The following ANKHD1 variants were observed in gnomAD, a reference collection of about 807,000 sequenced individuals.
ANKHD1 encodes the protein ankyrin repeat and KH domain containing 1, also known as ankyrin repeat and KH domain-containing protein 1.
A neutral mutation model predicts 230.5 loss-of-function variants in ANKHD1; 31 were observed. The ratio of observed to expected loss-of-function variants is 0.13; its 90% confidence interval spans 0.10 to 0.18. ANKHD1 has a LOEUF of 0.18. Ranked by LOEUF, ANKHD1 falls within the 10% of genes least tolerant of loss-of-function variation. ANKHD1 has a pLI of 1.00. For missense variants in ANKHD1, 2,256 were observed against 3,071.3 expected, an observed-to-expected ratio of 0.73 and a Z score of 6.27; for synonymous variants, 1,074 against 1,117.6, an observed-to-expected ratio of 0.96 and a Z score of 0.78.
At chr5:140,422,172 G>T (rs1772033489) in intron 1 of ANKHD1, among the ~76,000 whole-genome samples, 1 of 152,132 alleles carries the variant, frequency 6.6e-6, no homozygotes, top group East Asian at 1.9e-4. Flanking sequence ...GCCCAGGCTG[G>T]AGTGCAGTGG....
In ANKHD1 at chr5:140,440,272, C is replaced by T. The variant is rs774361692; in HGVS notation, c.765+6C>T. On this transcript the variant is annotated splice_donor_region_variant and intron_variant, in intron 4 of 33. Coordinates refer to ENST00000360839, the MANE Select transcript of ANKHD1 (RefSeq NM_017747.3). ...GGTATTATGAATTAGCACAAGTAAG[C>T]AGAAATAATCTTTAGTGATTAAAAT... 6.2e-7 allele frequency: 1 copy of T among 1,603,344 alleles called. No individual in the cohort carries two copies. Among genetic ancestry groups the T allele is most frequent in the Non-Finnish European group, 8.5e-7 (1 of 1,175,510 alleles).
intron 14 of ANKHD1, among the ~76,000 whole-genome samples, chr5:140,493,226 T>G (rs1456730654): frequency 6.6e-6 from 1 of 152,152 alleles, no homozygotes; most frequent in Non-Finnish European, 1.5e-5. Flanking sequence ...CACACCGGGC[T>G]AGCTAATTTT....
At chr5:140,419,800 TTCTTTCTTTC>T (rs1443155825) in intron 1 of ANKHD1, among the ~76,000 whole-genome samples, 7 of 88,824 alleles carry the variant, frequency 7.9e-5, no homozygotes, top group African/African-American at 2.3e-4. Context: ...CTTTCTTTCT[TTCTTTCTTTC>T]TTTCTTTCTT....
chr5:140,477,865 C>T (rs1397586267), intron 10 of ANKHD1, among the ~76,000 whole-genome samples: 1 of 152,178 alleles, frequency 6.6e-6, no homozygotes, highest in Non-Finnish European at 1.5e-5. Flanking sequence ...CCGCCTCGGC[C>T]TCCCAAAGTG....
rs1427235665 is a variant in ANKHD1 at position 140,441,033 on chromosome 5, G to A, written c.804G>A (p.Gly268=). Residue 268 remains glycine, a synonymous_variant, in exon 5 of 34, where the codon GGG becomes GGA. Transcript: ENST00000360839. ...TGCATGCTAATGTTGAAGATCGAGG[G>A]AATAAAGGAGACATAACTCCCCTGA... ...LAMHANVEDR[G]NKGDITPLMA... 6.2e-7 allele frequency: 1 copy of A among 1,611,336 alleles called. No homozygotes were observed. Among genetic ancestry groups the A allele is most frequent in the South Asian group, 1.1e-5 (1 of 90,568 alleles).
At chr5:140,456,020 A>C (rs1056373218) in intron 7 of ANKHD1, among the ~76,000 whole-genome samples, 3 of 152,240 alleles carry the variant, frequency 2.0e-5, no homozygotes, top group Non-Finnish European at 4.4e-5. Flanking sequence ...GCAAAGTCTC[A>C]GGATACAAAA....
chr5:140,467,213 T>C (rs1776158118), intron 10 of ANKHD1, among the ~76,000 whole-genome samples: 1 of 152,308 alleles, frequency 6.6e-6, no homozygotes, highest in Non-Finnish European at 1.5e-5. Context: ...TCATTAATTA[T>C]GGAACTTTTG....
chr5:140,494,058 G>C (rs1486973540), intron 14 of ANKHD1, among the ~76,000 whole-genome samples: 2 of 152,130 alleles, frequency 1.3e-5, no homozygotes, highest in African/African-American at 4.8e-5. Context: ...GATGTTTAAA[G>C]GACCATGGAC....
At chr5:140,448,219 G>C (rs1264206031) in intron 6 of ANKHD1, among the ~76,000 whole-genome samples, 1 of 152,138 alleles carries the variant, frequency 6.6e-6, no homozygotes, top group Non-Finnish European at 1.5e-5. Flanking sequence ...GAATAAGAGA[G>C]TGGATATTAG....
rs1241226008 is a variant in ANKHD1 at position 140,528,581 on chromosome 5, G to A, written c.5635G>A (p.Gly1879Arg). The change falls in exon 29 of 34, where the codon GGA becomes AGA. Residue 1879 changes from glycine to arginine, a missense_variant. Physicochemically the swap from Gly to Arg is moderately radical, Grantham distance 125. Around this residue, in one of 13 missense-constraint regions of ANKHD1, gnomAD observed 778 missense variants for 966.5 expected, o/e 0.80. Coordinates refer to ENST00000360839, the MANE Select transcript of ANKHD1 (RefSeq NM_017747.3). The part of the protein sequence containing the change: ...HPRLPMAQFG[G>R]TFSPSPNTWG... Reference sequence around the variant, plus strand: ...TCGCTTACCCATGGCCCAGTTTGGAGGAACCTTCTCACCTTCTCCTAACAC... The same window carrying A: ...TCGCTTACCCATGGCCCAGTTTGGAAGAACCTTCTCACCTTCTCCTAACAC... The A allele has an allele frequency of 1.9e-6, 3 of 1,614,006 alleles. No homozygotes were observed. The highest frequency in any genetic ancestry group is 2.5e-6 in the Non-Finnish European group (3 of 1,180,032).
At chr5:140,416,775 A>G (rs929598655) in intron 1 of ANKHD1, among the ~76,000 whole-genome samples, 2 of 151,814 alleles carry the variant, frequency 1.3e-5, no homozygotes, top group African/African-American at 2.4e-5. Context: ...GTGAGGCACC[A>G]TGCCTAACCT....
intron 1 of ANKHD1, among the ~76,000 whole-genome samples, chr5:140,407,691 G>A (rs991580585): frequency 1.3e-5 from 2 of 152,050 alleles, no homozygotes; most frequent in Non-Finnish European, 2.9e-5. Context: ...GTGCCTGACC[G>A]AAAAACCAAT....
intron 7 of ANKHD1, among the ~76,000 whole-genome samples, chr5:140,456,053 A>G (rs1775158539): frequency 6.6e-6 from 1 of 152,232 alleles, no homozygotes; most frequent in East Asian, 1.9e-4. Context: ...AATCACAAGC[A>G]TTCTTATACA....
rs55859898 is a variant in ANKHD1, at chr5:140,485,397, A to AACACACACACACACACACAC, written c.1998+160_1999-162dup. 6.5e-3 allele frequency: 4,313 copies of AACACACACACACACACACAC among 665,410 alleles called. 76 individuals carry two copies. Among genetic ancestry groups the AACACACACACACACACACAC allele is most frequent in the African/African-American group, 0.043 (2,208 of 51,636 alleles). The allele number at this position is 665,410 out of a possible 1,614,324, so 41.2% of individuals were successfully genotyped here. Reference sequence around the variant, plus strand: ...CATAAGGAGACCCCATCTCTATTAAAACACACACACACACACACACACACA... The same window carrying AACACACACACACACACACAC: ...CATAAGGAGACCCCATCTCTATTAAAACACACACACACACACACACACACACACACACACACACACACACA... On this transcript the variant is annotated intron_variant, in intron 12 of 33. Transcript: ENST00000360839. The surrounding 1 kb of genome is among the most constrained non-coding windows in gnomAD (Gnocchi z 4.8).
chr5:140,428,929 T>C (rs1014869330), intron 1 of ANKHD1, among the ~76,000 whole-genome samples: 17 of 149,956 alleles, frequency 1.1e-4, no homozygotes, highest in Admixed American at 8.6e-4. Context: ...ACTACAGGCA[T>C]GCACCATGAG....
rs557340931 is a variant in ANKHD1 at position 140,441,265 on chromosome 5, T to C, written c.913+123T>C. On this transcript the variant is annotated intron_variant, in intron 5 of 33. Coordinates refer to ENST00000360839, the MANE Select transcript of ANKHD1 (RefSeq NM_017747.3). ...CTACAGAAAAATCTTAGCCCTTGTG[T>C]AGAATCTTTGAGTAAAATACAAATT... is the stretch of plus-strand genomic sequence containing the variant. The C allele has an allele frequency of 2.8e-5, 36 of 1,269,368 alleles. No individual in the cohort carries two copies. In the African/African-American group the frequency reaches 4.3e-4, roughly 15 times the overall value. The allele number at this position is 1,269,368 out of a possible 1,614,324, so 78.6% of individuals were successfully genotyped here. A position where few individuals can be genotyped will look rare whatever the true frequency, so the allele number is the denominator to read the frequency against.
chr5:140,406,736 A>T (rs1313673228), intron 1 of ANKHD1, among the ~76,000 whole-genome samples: 1 of 151,996 alleles, frequency 6.6e-6, no homozygotes, highest in African/African-American at 2.4e-5. Flanking sequence ...GGGTTTCACC[A>T]TATTGGCCAG....
rs543305937 is a variant in ANKHD1 at position 140,526,059 on chromosome 5, C to T, written c.4556C>T (p.Ala1519Val). 2 of 1,612,222 alleles carry T rather than the reference C, an allele frequency of 1.2e-6. No individual in the cohort carries two copies. Among genetic ancestry groups the T allele is most frequent in the African/African-American group, 1.3e-5 (1 of 74,804 alleles). ...ATTTTTIGIS[A>V]TSATFTNVFG... ...ACCACCACTACGATTGGAATCTCTG[C>T]AACATCTGCAACATTCACAAATGTG... Residue 1519 changes from alanine to valine, a missense_variant, in exon 26 of 34, where the codon GCA becomes GTA. Physicochemically the swap from Ala to Val is moderately conservative, Grantham distance 64. Around this residue, in one of 13 missense-constraint regions of ANKHD1, gnomAD observed 212 missense variants for 257.3 expected, o/e 0.82. Coordinates refer to ENST00000360839, the MANE Select transcript of ANKHD1 (RefSeq NM_017747.3).
At chr5:140,519,405 C>G (rs1199202835) in intron 24 of ANKHD1, among the ~76,000 whole-genome samples, 2 of 152,224 alleles carry the variant, frequency 1.3e-5, no homozygotes, top group African/African-American at 4.8e-5. Context: ...CAATGACTTT[C>G]TTCACAGAAT....
Sources: gnomAD v4.1 joint callset for allele counts (sites outside exome capture counted in the v4.1 genomes callset) on GRCh38, gnomAD v4.1.1 for gene constraint, gnomAD v4.1.1 regional missense constraint, Gnocchi (gnomAD v3.1) non-coding constraint, MANE v1.5 for transcripts, NCBI Gene and HGNC (gene_info 2026-07-23, HGNC 2026-07-21) for gene names.